CTNNA3: variants seen among roughly 807,000 people sequenced by gnomAD.
CTNNA3 encodes catenin alpha 3.
In CTNNA3, 76 loss-of-function variants were observed where a neutral mutation model predicts 95.7. The ratio of observed to expected loss-of-function variants is 0.79; its 90% CI spans 0.66 to 0.96. The LOEUF (loss-of-function observed/expected upper bound fraction) is 0.96. CTNNA3 is among the 40% of genes least tolerant of loss of function. CTNNA3 has a pLI of 0.00. For missense variants in CTNNA3, 1,191 were observed against 1,089.8 expected, an observed-to-expected ratio of 1.09 and a Z score of -1.31; for synonymous variants, 431 against 374.4, an observed-to-expected ratio of 1.15 and a Z score of -1.74.
chr10:66,280,411 A>T, intron 13 of CTNNA3, 59 bp downstream of exon 13: 2 of 1,437,684 alleles, frequency 1.4e-6, no homozygotes, highest in South Asian at 2.4e-5. Context: ...CAGTCATCCC[A>T]GGCATTCCAG....
intron 13 of CTNNA3, among the ~76,000 whole-genome samples, chr10:66,165,822 G>T (rs193136141): frequency 0.01 from 1,525 of 151,852 alleles, 34 homozygotes; most frequent in African/African-American, 0.035. Flanking sequence ...AGGCTGGAGC[G>T]CAGTGGTGCA....
chr10:66,402,446 C>A (rs896685221), intron 11 of CTNNA3, among the ~76,000 whole-genome samples: 6 of 152,102 alleles, frequency 3.9e-5, no homozygotes, highest in African/African-American at 1.2e-4. Context: ...TCAAATGAAC[C>A]AATATCATAC....
intron 7 of CTNNA3, among the ~76,000 whole-genome samples, chr10:66,844,840 C>T (rs9787691): frequency 0.91 from 138,299 of 152,192 alleles, 63,059 homozygotes; most frequent in East Asian, 1. Context: ...AAGATAACCC[C>T]CTACTATGGC....
intron 7 of CTNNA3, among the ~76,000 whole-genome samples, chr10:66,865,461 G>GTTTC (rs112496070): frequency 1.3e-5 from 2 of 151,694 alleles, no homozygotes; most frequent in African/African-American, 4.8e-5. Context: ...CAACCACAAT[G>GTTTC]TTTCATTAAT....
rs185742819 is a variant in CTNNA3, at chr10:67,126,222, A to T, written c.1047+54095T>A. Reference sequence around the variant, plus strand: ...AATGATAGACAAACAAGACAGATAAAATTATTTATAAGAATACAAAATTAG... The same window carrying T: ...AATGATAGACAAACAAGACAGATAATATTATTTATAAGAATACAAAATTAG... On this transcript the variant is annotated intron_variant, in intron 7 of 17. Transcript: ENST00000433211. Among the ~76,000 whole-genome samples, 571 of 152,272 alleles carry T rather than the reference A, an allele frequency of 3.7e-3. 3 individuals are homozygous for T. The highest frequency in any genetic ancestry group is 0.013 in the African/African-American group (553 of 41,552).
intron 9 of CTNNA3, among the ~76,000 whole-genome samples, chr10:66,641,002 G>A (rs962135499): frequency 6.6e-6 from 1 of 152,184 alleles, no homozygotes; most frequent in Non-Finnish European, 1.5e-5. Context: ...TAAATTGATT[G>A]TTATTTGCAG....
chr10:67,248,754 A>C (rs896782094), intron 5 of CTNNA3, among the ~76,000 whole-genome samples: 1 of 152,196 alleles, frequency 6.6e-6, no homozygotes, highest in African/African-American at 2.4e-5. Context: ...CATGCAAAAG[A>C]AAAAAGCTGG....
At chr10:67,763,502 G>C (rs913736377) in exon 1 of CTNNA3, among the ~76,000 whole-genome samples, 13 of 152,204 alleles carry the variant, frequency 8.5e-5, no homozygotes, top group Non-Finnish European at 1.2e-4. Context: ...ATTATGAAAT[G>C]TACCATTATG....
At chr10:66,965,852 A>T (rs1275232249) in intron 7 of CTNNA3, among the ~76,000 whole-genome samples, 2 of 152,162 alleles carry the variant, frequency 1.3e-5, no homozygotes, top group Non-Finnish European at 2.9e-5. Flanking sequence ...TAATGATTTC[A>T]TGAAATGTGC....
chr10:66,747,000 T>C (rs1304063625), intron 9 of CTNNA3, among the ~76,000 whole-genome samples: 2 of 151,964 alleles, frequency 1.3e-5, no homozygotes, highest in South Asian at 2.1e-4. Flanking sequence ...CAAGATGTTT[T>C]CCAAGAGAAA....
At chr10:66,159,757 ATTC>A (rs1338869691) in intron 13 of CTNNA3, among the ~76,000 whole-genome samples, 3 of 151,656 alleles carry the variant, frequency 2.0e-5, no homozygotes, top group Admixed American at 6.6e-5. Context: ...ATTGGTACCA[ATTC>A]TTCTTAGAAT....
intron 11 of CTNNA3, among the ~76,000 whole-genome samples, chr10:66,508,745 C>T (rs959522799): frequency 1.3e-5 from 2 of 152,064 alleles, no homozygotes; most frequent in African/African-American, 2.4e-5. Context: ...ACTAGTATTC[C>T]ATGTGTATAT....
chr10:66,897,497 TA>T (rs1845547660), intron 7 of CTNNA3, among the ~76,000 whole-genome samples: 1 of 152,130 alleles, frequency 6.6e-6, no homozygotes, highest in Non-Finnish European at 1.5e-5. Context: ...AAAGGGAATA[TA>T]ACTGTGTATG....
intron 5 of CTNNA3, among the ~76,000 whole-genome samples, chr10:67,397,929 G>A (rs1476221148): frequency 6.6e-6 from 1 of 152,250 alleles, no homozygotes; most frequent in Non-Finnish European, 1.5e-5. Flanking sequence ...TGAGGTTTAG[G>A]AACCTCTGCC....
chr10:66,521,167 TTTTATA>T (rs1291351153), intron 10 of CTNNA3, among the ~76,000 whole-genome samples: 11 of 151,468 alleles, frequency 7.3e-5, no homozygotes, highest in African/African-American at 2.7e-4. Context: ...GTACAAAACG[TTTTATA>T]TTTATTAGTA....
At chr10:66,225,566 C>CTTACTTTA (rs2089240900) in intron 13 of CTNNA3, among the ~76,000 whole-genome samples, 1 of 151,184 alleles carries the variant, frequency 6.6e-6, no homozygotes, top group African/African-American at 2.4e-5. Context: ...TTCTGATACA[C>CTTACTTTA]TTACTTTATT....
intron 15 of CTNNA3, among the ~76,000 whole-genome samples, chr10:65,991,798 T>C (rs182454759): frequency 1.1e-3 from 169 of 152,126 alleles, no homozygotes; most frequent in African/African-American, 3.8e-3. Flanking sequence ...GAAGGGGAGT[T>C]ATAAAAGTGG....
chr10:66,610,329 C>A (rs1408817858), intron 10 of CTNNA3, among the ~76,000 whole-genome samples: 2 of 152,026 alleles, frequency 1.3e-5, no homozygotes, highest in Non-Finnish European at 2.9e-5. Flanking sequence ...TACCCCTGAA[C>A]TTAAAAGTTT....
In CTNNA3 at chr10:66,123,430, G is replaced by A. The variant is rs533632199; in HGVS notation, c.1885-20181C>T. ...CTTTGCAGGGTACAGGCTCCCTCTC[G>A]ACTGCTTTTATGGGCTGGCATTGAG... is the stretch of plus-strand genomic sequence containing the variant. On this transcript the variant is annotated intron_variant, in intron 13 of 17. Coordinates refer to ENST00000433211, the MANE Select transcript of CTNNA3 (RefSeq NM_013266.4). Among the ~76,000 whole-genome samples the A allele has an allele frequency of 9.9e-5, 15 of 152,178 alleles. No individual in the cohort carries two copies. The East Asian group carries it at 1.2e-3, about 12-fold the overall frequency.
Sources: gnomAD v4.1 joint callset for allele counts (sites outside exome capture counted in the v4.1 genomes callset) on GRCh38, gnomAD v4.1.1 for gene constraint, MANE v1.5 for transcripts, NCBI Gene and HGNC (gene_info 2026-07-23, HGNC 2026-07-21) for gene names.